SYN2: variants seen among roughly 807,000 people sequenced by gnomAD.
SYN2 encodes synapsin II.
A neutral mutation model predicts 50.9 loss-of-function variants in SYN2; 19 were observed. That is an observed-to-expected ratio of 0.37 (90% CI 0.26 to 0.55). The LOEUF is 0.55. Among genes scored for constraint, SYN2 ranks in the 20% least tolerant of loss-of-function variants. The pLI, the probability that SYN2 is intolerant of heterozygous loss-of-function variation, is 0.81. For synonymous variants in SYN2, 255 were observed against 224.9 expected (o/e 1.13, Z -1.20); for missense variants, 587 against 576.4 (o/e 1.02, Z -0.19).
chr3:12,108,074 G>C (rs1696235504), intron 1 of SYN2, among the ~76,000 whole-genome samples: 1 of 152,164 alleles, frequency 6.6e-6, no homozygotes, highest in Admixed American at 6.5e-5. Flanking sequence ...GCTGGGCATG[G>C]TGGCATGTGC....
chr3:12,161,116 G>A (rs1248221069), intron 5 of SYN2, among the ~76,000 whole-genome samples: 2 of 152,148 alleles, frequency 1.3e-5, no homozygotes, highest in African/African-American at 4.8e-5. Flanking sequence ...TACCAAGAGG[G>A]TACATGCTGA....
chr3:12,042,484 A>G (rs964258483), intron 1 of SYN2, among the ~76,000 whole-genome samples: 11 of 152,138 alleles, frequency 7.2e-5, no homozygotes, highest in Admixed American at 6.5e-5. Flanking sequence ...GTTTAATACT[A>G]TGGAATTATC....
chr3:12,145,933 C>G, intron 4 of SYN2, 98 bp downstream of exon 4: 3 of 1,523,422 alleles, frequency 2.0e-6, no homozygotes, highest in African/African-American at 2.7e-5. Context: ...GGCCCCAGCC[C>G]CAGGAGGGTC....
chr3:12,145,085 C>A (rs1273598332), intron 3 of SYN2, among the ~76,000 whole-genome samples: 1 of 151,790 alleles, frequency 6.6e-6, no homozygotes, highest in Non-Finnish European at 1.5e-5. Flanking sequence ...ACCATAATAT[C>A]CCATTTCCCA....
chr3:12,009,756 CTTGT>C (rs983193083), intron 1 of SYN2, among the ~76,000 whole-genome samples: 15 of 152,158 alleles, frequency 9.9e-5, no homozygotes, highest in Non-Finnish European at 1.9e-4. Flanking sequence ...TACACTATTC[CTTGT>C]TTGTGTTCAT....
At chr3:12,063,361 G>T (rs570102153) in intron 1 of SYN2, among the ~76,000 whole-genome samples, 1 of 152,134 alleles carries the variant, frequency 6.6e-6, no homozygotes, top group South Asian at 2.1e-4. Flanking sequence ...ATGGAAATGA[G>T]TAGAGTCTGT....
At chr3:12,147,377 G>C (rs949185540) in intron 4 of SYN2, among the ~76,000 whole-genome samples, 3 of 152,196 alleles carry the variant, frequency 2.0e-5, no homozygotes, top group African/African-American at 7.2e-5. Context: ...AGCTGCCATG[G>C]TTAAGGAGGG....
chr3:12,163,822 A>G (rs1003728839), intron 7 of SYN2, among the ~76,000 whole-genome samples: 13 of 152,252 alleles, frequency 8.5e-5, no homozygotes, highest in East Asian at 5.8e-4. Flanking sequence ...CACATCTGTA[A>G]TCCCAGCAGT....
Position 12,113,387 on chromosome 3 carries a change from A to T in SYN2, c.378-27264A>T, listed in dbSNP as rs914458398. On this transcript the variant is annotated intron_variant, in intron 1 of 12. Coordinates refer to ENST00000621198, the MANE Select transcript of SYN2 (RefSeq NM_133625.6). ...AGCCCTTAAAAAAGGAGGGGAAAAA[A>T]CTCTGAGTAAAAGTTATGCTTCGAG... Among the ~76,000 whole-genome samples, 7 of 152,250 alleles carry T rather than the reference A, an allele frequency of 4.6e-5. No individual in the cohort carries two copies. In the East Asian group the frequency reaches 9.6e-4, roughly 21 times the overall value.
intron 1 of SYN2, among the ~76,000 whole-genome samples, chr3:12,067,912 G>A (rs1695255498): frequency 1.3e-5 from 2 of 152,148 alleles, no homozygotes; most frequent in Admixed American, 1.3e-4. Context: ...AGAAAAATTA[G>A]GCAGGTGTGG....
chr3:12,129,194 T>C (rs992392294), intron 1 of SYN2, among the ~76,000 whole-genome samples: 1 of 152,096 alleles, frequency 6.6e-6, no homozygotes, highest in Admixed American at 6.6e-5. Context: ...TTTGTTCAGA[T>C]AGTCAGTAGA....
In SYN2 at chr3:12,157,505, G is replaced by T. The variant is rs764585998; in HGVS notation, c.775-4041G>T. 3 of 1,612,110 alleles carry T rather than the reference G, an allele frequency of 1.9e-6. No individual in the cohort carries two copies. The African/African-American group carries it at 4.0e-5, about 22-fold the overall frequency. The stretch of plus-strand genomic sequence containing the variant: ...TCACTGCATAGGAAGAGAAAAGAGG[G>T]AACCTTCAGCAGCTGGTGGGGGCAA... On this transcript the variant is annotated intron_variant, in intron 5 of 12. Transcript: ENST00000621198.
At chr3:12,129,676 A>T (rs899977486) in intron 1 of SYN2, among the ~76,000 whole-genome samples, 9 of 152,030 alleles carry the variant, frequency 5.9e-5, no homozygotes. Flanking sequence ...GGTATTGTGT[A>T]TTTTTGTGTG....
rs544777895 is a variant in SYN2, at chr3:12,111,857, G to C, written c.378-28794G>C. 5.9e-5 allele frequency among the ~76,000 whole-genome samples: 9 copies of C among 152,300 alleles called. No homozygotes were observed. In the South Asian group the frequency reaches 1.9e-3, roughly 32 times the overall value. On this transcript the variant is annotated intron_variant, in intron 1 of 12. Transcript: ENST00000621198. ...AATTAGAGAATCCTTGGCTAGTGTA[G>C]TGTGATGTATTATTTTGGGATGCCC...
chr3:12,030,564 T>C (rs948911817), intron 1 of SYN2, among the ~76,000 whole-genome samples: 3 of 151,714 alleles, frequency 2.0e-5, no homozygotes, highest in South Asian at 2.1e-4. Context: ...GCTCCTGTTA[T>C]TGGTCTGTTC....
rs150450180 is a variant in SYN2, at chr3:12,075,681, A to G, written c.378-64970A>G. ...TTCCCTGATAATAAATTCCTTATAT[A>G]TTAAGAATTACTGGAACAATATTTT... On this transcript the variant is annotated intron_variant, in intron 1 of 12. Transcript: ENST00000621198. Among the ~76,000 whole-genome samples the G allele has an allele frequency of 1.6e-4, 24 of 152,272 alleles. 1 individual carries two copies. The East Asian group carries it at 4.6e-3, about 29-fold the overall frequency.
chr3:12,132,014 CTTTTCTTTTTCTTTTTTTTCTTTTT>C (rs1696806082), intron 1 of SYN2, among the ~76,000 whole-genome samples: 1 of 148,792 alleles, frequency 6.7e-6, no homozygotes, highest in East Asian at 2.0e-4. Flanking sequence ...TTTTTCCTTT[CTTTTCTTTTTCTTTTTTTTCTTTTT>C]TTTTCTTTTT....
chr3:12,109,135 T>C (rs535061374), intron 1 of SYN2, among the ~76,000 whole-genome samples: 70 of 152,176 alleles, frequency 4.6e-4, no homozygotes, highest in Middle Eastern at 3.4e-3. Flanking sequence ...GGACTCAAGA[T>C]AGGAACACAG....
chr3:12,187,768 T>G (rs940617793), intron 12 of SYN2, among the ~76,000 whole-genome samples, 156 bp downstream of exon 12: 1 of 149,902 alleles, frequency 6.7e-6, no homozygotes, highest in Non-Finnish European at 1.5e-5. Flanking sequence ...TTTTTGGTTT[T>G]TGTGTGTGTG....
Sources: gnomAD v4.1 joint callset for allele counts (sites outside exome capture counted in the v4.1 genomes callset) on GRCh38, gnomAD v4.1.1 for gene constraint, MANE v1.5 for transcripts, NCBI Gene and HGNC (gene_info 2026-07-23, HGNC 2026-07-21) for gene names.